The following ATAD5 variants were observed in gnomAD, a reference collection of about 807,000 sequenced individuals.
ATAD5 encodes the protein ATPase family AAA domain-containing protein 5.
Under a neutral mutation model 176.9 loss-of-function variants are expected in ATAD5, and 58 were observed. The ratio of observed to expected loss-of-function variants is 0.33; its 90% CI spans 0.27 to 0.41. The LOEUF (loss-of-function observed/expected upper bound fraction) is 0.41. Among genes scored for constraint, ATAD5 ranks in the 10% least tolerant of loss-of-function variants. ATAD5 has a pLI of 1.00. For synonymous variants in ATAD5, 640 were observed against 712.6 expected (o/e 0.90, Z 1.62); for missense variants, 1,789 against 2,094.1 (o/e 0.85, Z 2.84).
intron 19 of ATAD5, among the ~76,000 whole-genome samples, chr17:30,889,886 C>CTTTTTTTT (rs60266614): frequency 2.0e-3 from 187 of 95,608 alleles, no homozygotes; most frequent in Middle Eastern, 6.8e-3. Flanking sequence ...TCTTTTCTTT[C>CTTTTTTTT]TTTTTTTTTT....
At chr17:30,871,567 C>T (rs1219487041) in intron 14 of ATAD5, among the ~76,000 whole-genome samples, 5 of 152,108 alleles carry the variant, frequency 3.3e-5, no homozygotes, top group African/African-American at 9.6e-5. Context: ...CCAGGCTGGT[C>T]TCAAACTCCT....
At position 30,832,096 on chromosome 17, in the gene ATAD5, C is replaced by T; in HGVS notation, c.-252C>T. 1 of 389,808 alleles carries T rather than the reference C, an allele frequency of 2.6e-6. No homozygotes were observed. The highest frequency in any genetic ancestry group is 4.5e-6 in the Non-Finnish European group (1 of 220,354). The allele number at this position is 389,808 out of a possible 1,614,324, so 24.1% of individuals were successfully genotyped here. ...CTGAAGCGCCGCTTTCGAGGGCACC[C>T]TGCATACACTGGCCGCGCCTCAGGG... On this transcript the variant is annotated 5_prime_UTR_variant, in exon 1 of 23. Coordinates refer to ENST00000321990, the MANE Select transcript of ATAD5 (RefSeq NM_024857.5).
At position 30,893,567 on chromosome 17, in the gene ATAD5, A is replaced by G. The variant is rs1344980054; in HGVS notation, c.4714A>G (p.Ile1572Val). 3 of 1,613,512 alleles carry G rather than the reference A, an allele frequency of 1.9e-6. No homozygotes were observed. Among genetic ancestry groups the G allele is most frequent in the Non-Finnish European group, 2.5e-6 (3 of 1,179,792 alleles). ...AAAGAAACAAAAGAAAACATTGGTA[A>G]TATTAGATGATAGTGATCTATTTGA... ...QKKKQKKTLV[I>V]LDDSDLFDTD... is the part of the protein sequence containing the mutation. The change falls in exon 21 of 23, where the codon ATA (isoleucine) becomes GTA (valine). Residue 1572 changes from isoleucine (I) to valine (V), a missense_variant. Physicochemically the swap from Ile to Val is conservative, Grantham distance 29. Transcript: ENST00000321990.
At chr17:30,879,707 C>T (rs927223472) in intron 18 of ATAD5, among the ~76,000 whole-genome samples, 9 of 151,862 alleles carry the variant, frequency 5.9e-5, no homozygotes, top group Admixed American at 3.9e-4. Flanking sequence ...GGACTACAGG[C>T]GCCTGCCACC....
chr17:30,860,443 T>C lies in ATAD5; in HGVS notation c.2967T>C (p.Ala989=). The change falls in exon 10 of 23, where the codon GCT becomes GCC. Residue 989 remains alanine, a synonymous_variant. Transcript: ENST00000321990. ...TAATTCCCAAAGCAGAACTGGAGGCTGATGTCAGCCATAAAGAAACCAAAA... is the reference window on the plus strand; with the variant it reads ...TAATTCCCAAAGCAGAACTGGAGGCCGATGTCAGCCATAAAGAAACCAAAA... ...SECHSKQELE[A]DVSHKETKRK... is the part of the protein sequence containing the mutation. 2 of 1,589,276 alleles carry C rather than the reference T, an allele frequency of 1.3e-6. No individual in the cohort carries two copies. The highest frequency in any genetic ancestry group is 1.7e-6 in the Non-Finnish European group (2 of 1,174,434).
intron 18 of ATAD5, among the ~76,000 whole-genome samples, chr17:30,882,518 A>T (rs1022214814): frequency 6.6e-6 from 1 of 152,172 alleles, no homozygotes; most frequent in African/African-American, 2.4e-5. Context: ...TGAGCCTGGG[A>T]GGCAGAGGTT....
intron 10 of ATAD5, chr17:30,862,946 T>A (rs1907729024): frequency 6.6e-6 from 1 of 151,952 alleles, no homozygotes; most frequent in South Asian, 2.1e-4. Flanking sequence ...ATCCCAGCAC[T>A]TTGAGAGGCC....
intron 8 of ATAD5, 89 bp from the exon 9 acceptor site, chr17:30,858,072 T>C: frequency 1.7e-6 from 2 of 1,201,896 alleles, no homozygotes; most frequent in Non-Finnish European, 2.2e-6. Flanking sequence ...GATACTGATT[T>C]ATGATGGACA....
chr17:30,847,610 A>G (rs573079678), intron 6 of ATAD5, among the ~76,000 whole-genome samples: 7 of 151,006 alleles, frequency 4.6e-5, no homozygotes, highest in Non-Finnish European at 8.9e-5. Flanking sequence ...GATTACAGGC[A>G]TGAGCCACTG....
At chr17:30,836,089 GTAT>G (rs760492217) in intron 2 of ATAD5, 41 bp downstream of exon 2, 1 of 1,466,834 alleles carries the variant, frequency 6.8e-7, no homozygotes, top group Admixed American at 2.3e-5. Flanking sequence ...TATTCTGCAT[GTAT>G]TATTAGCTGG....
intron 6 of ATAD5, among the ~76,000 whole-genome samples, chr17:30,849,864 C>CT (rs1298073921): frequency 6.6e-6 from 1 of 152,136 alleles, no homozygotes; most frequent in East Asian, 1.9e-4. Flanking sequence ...TTGAAGGCCT[C>CT]TACACTACCT....
chr17:30,839,337 A>G (rs1468999662), intron 3 of ATAD5, among the ~76,000 whole-genome samples: 1 of 149,572 alleles, frequency 6.7e-6, no homozygotes, highest in Non-Finnish European at 1.5e-5. Flanking sequence ...CCCAGGCTGG[A>G]GTGCAGTGGC....
chr17:30,869,872 A>G (rs1044534827), intron 14 of ATAD5: 2 of 497,132 alleles, frequency 4.0e-6, no homozygotes, highest in Non-Finnish European at 6.9e-6. Flanking sequence ...TTAAAAAAGC[A>G]TAACTATAAT....
At chr17:30,885,761 G>A (rs1426173280) in intron 18 of ATAD5, among the ~76,000 whole-genome samples, 1 of 151,262 alleles carries the variant, frequency 6.6e-6, no homozygotes, top group African/African-American at 2.4e-5. Flanking sequence ...AGCCTCCCGA[G>A]TAGCTGGGAT....
Position 30,834,299 on chromosome 17 carries a change from A to T in ATAD5, c.218A>T (p.Asn73Ile), listed in dbSNP as rs752970114. 3 of 1,613,588 alleles carry T rather than the reference A, an allele frequency of 1.9e-6. No homozygotes were observed. The highest frequency in any genetic ancestry group is 2.5e-6 in the Non-Finnish European group (3 of 1,179,884). The change falls in exon 2 of 23, where the codon AAT becomes ATT. Residue 73 changes from asparagine (N) to isoleucine (I), a missense_variant. Asn to Ile is a moderately radical substitution (Grantham distance 149). This residue lies in a region of ATAD5 where 696 missense variants were observed against 712.5 expected (regional missense o/e 0.98). Coordinates refer to ENST00000321990, the MANE Select transcript of ATAD5 (RefSeq NM_024857.5). ...LDYFRKTSPT[N>I]EKTQLGKECK... ...TATTTTAGAAAGACTTCACCCACAAATGAGAAGACACAATTAGGGAAAGAG... is the reference window on the plus strand; with the variant it reads ...TATTTTAGAAAGACTTCACCCACAATTGAGAAGACACAATTAGGGAAAGAG...
At chr17:30,847,943 A>G (rs909202983) in intron 6 of ATAD5, among the ~76,000 whole-genome samples, 2 of 151,586 alleles carry the variant, frequency 1.3e-5, no homozygotes, top group African/African-American at 4.9e-5. Context: ...GATGGTCTCG[A>G]TCTCCTGACC....
At chr17:30,851,559 C>T (rs1002016846) in intron 6 of ATAD5, among the ~76,000 whole-genome samples, 3 of 150,978 alleles carry the variant, frequency 2.0e-5, no homozygotes, top group African/African-American at 4.9e-5. Flanking sequence ...GTAATCCCAA[C>T]ACTCTGGGAG....
At chr17:30,882,780 A>G (rs149256425) in intron 18 of ATAD5, among the ~76,000 whole-genome samples, 143 of 152,300 alleles carry the variant, frequency 9.4e-4, no homozygotes, top group African/African-American at 3.2e-3. Flanking sequence ...TTAATAAAAG[A>G]TCACATTTTG....
intron 14 of ATAD5, among the ~76,000 whole-genome samples, chr17:30,870,536 T>G (rs1908276854): frequency 6.6e-6 from 1 of 152,204 alleles, no homozygotes; most frequent in African/African-American, 2.4e-5. Flanking sequence ...CCTTGTAGAT[T>G]ACAAAATGAT....
Sources: allele counts gnomAD v4.1 joint callset (sites outside exome capture counted in the v4.1 genomes callset), GRCh38; gene constraint gnomAD v4.1.1; regional missense constraint gnomAD v4.1.1; transcripts MANE v1.5; gene names NCBI Gene and HGNC (gene_info 2026-07-23, HGNC 2026-07-21).